Variants in NFYA observed in about 807,000 individuals in gnomAD.
The protein encoded by NFYA is CAAT-box DNA binding protein subunit A.
In NFYA, 28 loss-of-function variants were observed where a neutral mutation model predicts 52.8. The ratio of observed to expected loss-of-function variants is 0.53; its 90% CI spans 0.39 to 0.73. The LOEUF (loss-of-function observed/expected upper bound fraction) is 0.73. NFYA is among the 30% of genes least tolerant of loss of function. The pLI, the probability that NFYA is intolerant of heterozygous loss-of-function variation, is 0.00. For synonymous variants in NFYA, 150 were observed against 150.7 expected (o/e 1.00, Z 0.03); for missense variants, 234 against 427.0 (o/e 0.55, Z 3.98).
chr6:41,077,499 G>A lies in NFYA; in HGVS notation c.-61-1530G>A, dbSNP rs557717961. Among the ~76,000 whole-genome samples, 12 of 151,618 alleles carry A rather than the reference G, an allele frequency of 7.9e-5. No individual in the cohort carries two copies. In the East Asian group the frequency reaches 1.4e-3, roughly 17 times the overall value. The stretch of plus-strand genomic sequence containing the variant: ...TATATAAATGGAATCATATATATTC[G>A]TTTACATCATAACCTTAATTTTATT... On this transcript the variant is annotated intron_variant, in intron 1 of 9. Coordinates refer to ENST00000341376, the MANE Select transcript of NFYA (RefSeq NM_002505.5).
chr6:41,089,734 C>A, intron 5 of NFYA, 24 bp downstream of exon 5: 1 of 1,607,124 alleles, frequency 6.2e-7, no homozygotes, highest in East Asian at 2.2e-5. Flanking sequence ...CTCTGTCACA[C>A]AGGAGCAAAA....
At chr6:41,094,332 C>A in intron 8 of NFYA, 64 bp from the exon 9 acceptor site, 1 of 1,347,326 alleles carries the variant, frequency 7.4e-7, no homozygotes, top group Non-Finnish European at 1.1e-6. Flanking sequence ...GGAATTTGTG[C>A]ACTAGATAAC....
chr6:41,091,824 T>G, intron 7 of NFYA, 130 bp downstream of exon 7: 1 of 987,162 alleles, frequency 1.0e-6, no homozygotes, highest in East Asian at 2.5e-5. Flanking sequence ...GTAATCTACT[T>G]TGACAATAAC....
rs1218305611 is a variant in NFYA, at chr6:41,100,810, A to G, written c.*3400A>G. Among the ~76,000 whole-genome samples the G allele has an allele frequency of 6.6e-6, 1 of 152,220 alleles. No individual in the cohort carries two copies. The highest frequency in any genetic ancestry group is 2.1e-4 in the South Asian group (1 of 4,836). ...GACAGCTTTGCTCCTTTGAAAGCGC[A>G]GACCGCCGCACCTCCAGCCCCTTCT... On this transcript the variant is annotated 3_prime_UTR_variant, in exon 10 of 10. Coordinates refer to ENST00000341376, the MANE Select transcript of NFYA (RefSeq NM_002505.5).
At position 41,101,332 on chromosome 6, in the gene NFYA, CTT is replaced by C. The variant is rs749477540; in HGVS notation, c.*3924_*3925del. On this transcript the variant is annotated 3_prime_UTR_variant, in exon 10 of 10. Coordinates refer to ENST00000341376, the MANE Select transcript of NFYA (RefSeq NM_002505.5). ...TTCGTGCTGCGGCTTCCTTAGGAAA[CTT>C]TGAGTATCTTCGTTTTAGCGTGGGA... Among the ~76,000 whole-genome samples, 1 of 152,322 alleles carries C rather than the reference CTT, an allele frequency of 6.6e-6. No individual in the cohort carries two copies. The highest frequency in any genetic ancestry group is 1.9e-4 in the East Asian group (1 of 5,184).
rs1453139073 is a variant in NFYA, at chr6:41,099,641, A to G, written c.*2231A>G. On this transcript the variant is annotated 3_prime_UTR_variant, in exon 10 of 10. Transcript: ENST00000341376. ...TTCATTTTTATTTGTGACTGTAGTG[A>G]TAACTTTACAGATGGAGAAAGAGTG... 6.6e-6 allele frequency: 1 copy of G among 151,048 alleles called. No homozygotes were observed. The highest frequency in any genetic ancestry group is 1.5e-5 in the Non-Finnish European group (1 of 67,914). The allele number at this position is 151,048 out of a possible 1,614,324, so 9.4% of individuals were successfully genotyped here. A position where few individuals can be genotyped will look rare whatever the true frequency, so the allele number is the denominator to read the frequency against.
chr6:41,075,261 A>G (rs1582018541), intron 1 of NFYA: 1 of 152,284 alleles, frequency 6.6e-6, no homozygotes, highest in East Asian at 1.9e-4. Flanking sequence ...ATCGTAGCTC[A>G]CTAACCTGGA....
At chr6:41,090,713 C>T (rs1418369559) in intron 6 of NFYA, among the ~76,000 whole-genome samples, 1 of 152,074 alleles carries the variant, frequency 6.6e-6, no homozygotes, top group African/African-American at 2.4e-5. Context: ...AGCACTTTTA[C>T]TAAGAAGGGT....
chr6:41,093,769 C>A (rs1263783944), intron 8 of NFYA, among the ~76,000 whole-genome samples: 2 of 152,212 alleles, frequency 1.3e-5, no homozygotes, highest in African/African-American at 4.8e-5. Flanking sequence ...CCATACCCGG[C>A]CAGGTACCCT....
At chr6:41,073,451 G>A (rs1227354013) in intron 1 of NFYA, among the ~76,000 whole-genome samples, 2 of 151,992 alleles carry the variant, frequency 1.3e-5, no homozygotes, top group Non-Finnish European at 2.9e-5. Context: ...GGACACATGC[G>A]CGCCCTGGGC....
Position 41,100,507 on chromosome 6 carries a change from G to A in NFYA, c.*3097G>A, listed in dbSNP as rs146177725. ...TCAACACACAAGAGACAAACAGCCC[G>A]AGGAAGCACTCAATGATGAGAGCAG... On this transcript the variant is annotated 3_prime_UTR_variant, in exon 10 of 10. Transcript: ENST00000341376. Among the ~76,000 whole-genome samples, 10 of 150,530 alleles carry A rather than the reference G, an allele frequency of 6.6e-5. No individual in the cohort carries two copies. The highest frequency in any genetic ancestry group is 2.4e-4 in the African/African-American group (10 of 41,172).
chr6:41,082,544 A>C (rs1369768855), intron 3 of NFYA, among the ~76,000 whole-genome samples: 1 of 152,232 alleles, frequency 6.6e-6, no homozygotes, highest in African/African-American at 2.4e-5. Context: ...TAAGATGATG[A>C]ATAGATAGAA....
At chr6:41,075,563 T>G (rs537786732) in intron 1 of NFYA, 3 of 152,348 alleles carry the variant, frequency 2.0e-5, no homozygotes, top group Middle Eastern at 3.4e-3. Context: ...TTTTTCCTGT[T>G]TAGTCCACTG....
At chr6:41,097,131 T>C (rs561205158) in intron 9 of NFYA, among the ~76,000 whole-genome samples, 2 of 152,334 alleles carry the variant, frequency 1.3e-5, no homozygotes, top group African/African-American at 2.4e-5. Context: ...TGTTTCACCA[T>C]GGAGTGCAGG....
At chr6:41,087,008 T>A (rs1764067013) in intron 4 of NFYA, among the ~76,000 whole-genome samples, 1 of 152,046 alleles carries the variant, frequency 6.6e-6, no homozygotes, top group African/African-American at 2.4e-5. Context: ...CAAATAAAAG[T>A]AAACAAGGTG....
intron 6 of NFYA, 113 bp downstream of exon 6, chr6:41,090,422 CA>C (rs368610238): frequency 0.16 from 65,325 of 411,796 alleles, 16 homozygotes; most frequent in South Asian, 0.22. Context: ...ATTTTTTGGA[CA>C]AAAAAAAAAA....
intron 1 of NFYA, among the ~76,000 whole-genome samples, chr6:41,073,958 A>T (rs567395684): frequency 1.3e-5 from 2 of 151,484 alleles, no homozygotes; most frequent in African/African-American, 4.9e-5. Context: ...AGACCAGTCC[A>T]TTCGGTGCCT....
intron 3 of NFYA, among the ~76,000 whole-genome samples, chr6:41,081,484 C>T (rs977994119): frequency 2.7e-5 from 4 of 148,450 alleles, no homozygotes; most frequent in Admixed American, 2.7e-4. Flanking sequence ...AGCGAGACTC[C>T]GTCTCAAAAA....
At chr6:41,080,962 G>C in intron 3 of NFYA, 65 bp downstream of exon 3, 1 of 1,319,972 alleles carries the variant, frequency 7.6e-7, no homozygotes, top group South Asian at 1.2e-5. Context: ...GTCTGGTGCT[G>C]TTTGTGTTAG....
Sources: gnomAD v4.1 joint callset for allele counts (sites outside exome capture counted in the v4.1 genomes callset) on GRCh38, gnomAD v4.1.1 for gene constraint, MANE v1.5 for transcripts, NCBI Gene and HGNC (gene_info 2026-07-23, HGNC 2026-07-21) for gene names.